Variants in ATXN8OS observed in about 807,000 individuals in gnomAD.
The protein encoded by ATXN8OS is ATXN8 opposite strand (non-protein coding).
chr13:70,116,991 A>G (rs1888288613), intron 2 of ATXN8OS, among the ~76,000 whole-genome samples: 1 of 152,118 alleles, frequency 6.6e-6, no homozygotes, highest in African/African-American at 2.4e-5. Context: ...TGCTCACATA[A>G]ACCTAAAGCA....
chr13:70,143,869 T>C (rs113281799), intron 3 of ATXN8OS, among the ~76,000 whole-genome samples: 1 of 152,154 alleles, frequency 6.6e-6, no homozygotes, highest in Admixed American at 6.6e-5. Context: ...GACATGGAAA[T>C]TAATAGCTAT....
chr13:70,134,037 T>C (rs2137485592), intron 3 of ATXN8OS, among the ~76,000 whole-genome samples: 1 of 152,326 alleles, frequency 6.6e-6, no homozygotes, highest in African/African-American at 2.4e-5. Flanking sequence ...TTGTTGTGTT[T>C]TATTTTTATT....
At chr13:70,166,897 C>CA (rs1217674151) in intron 4 of ATXN8OS, among the ~76,000 whole-genome samples, 4 of 151,190 alleles carry the variant, frequency 2.6e-5, no homozygotes, top group South Asian at 2.1e-4. Context: ...TTTATGCAGC[C>CA]AAAAAACACA....
At chr13:70,139,416 G>GCTGCTGCTT (rs1888673561) in intron 3 of ATXN8OS, 1 of 755,942 alleles carries the variant, frequency 1.3e-6, no homozygotes, top group Non-Finnish European at 2.1e-6. Context: ...TGCTGCTGCT[G>GCTGCTGCTT]CTGCTGCTGC....
chr13:70,131,292 C>G (rs889533580), intron 3 of ATXN8OS: 4 of 398,456 alleles, frequency 1.0e-5, no homozygotes, highest in Non-Finnish European at 1.3e-5. Context: ...ATGAACATCT[C>G]TTACCTAAAA....
At chr13:70,139,368 A>ACTGCTGCTG in intron 3 of ATXN8OS, 1 of 630,938 alleles carries the variant, frequency 1.6e-6, no homozygotes, top group Non-Finnish European at 2.6e-6. Context: ...TACTACTACT[A>ACTGCTGCTG]CTACTACTAC....
chr13:70,125,179 TCTG>T (rs1888413612), intron 2 of ATXN8OS, among the ~76,000 whole-genome samples: 1 of 152,170 alleles, frequency 6.6e-6, no homozygotes, highest in Non-Finnish European at 1.5e-5. Context: ...CTTTGTATCC[TCTG>T]CTATTTCTCA....
At chr13:70,132,526 T>G (rs1435594804) in intron 3 of ATXN8OS, among the ~76,000 whole-genome samples, 1 of 152,040 alleles carries the variant, frequency 6.6e-6, no homozygotes, top group Admixed American at 6.6e-5. Flanking sequence ...GCTCACCTCC[T>G]GGGTTACAGA....
At chr13:70,168,595 T>G (rs1414455999) in intron 4 of ATXN8OS, among the ~76,000 whole-genome samples, 3 of 145,330 alleles carry the variant, frequency 2.1e-5, no homozygotes, top group African/African-American at 2.6e-5. Context: ...GTGACATCAT[T>G]TTTTTTTTTT....
intron 2 of ATXN8OS, among the ~76,000 whole-genome samples, chr13:70,118,049 CATT>C (rs1239196911): frequency 2.6e-5 from 4 of 151,972 alleles, no homozygotes; most frequent in Non-Finnish European, 5.9e-5. Flanking sequence ...CAATCTTTTA[CATT>C]ATTTTGTTCT....
chr13:70,157,537 C>T (rs1303096622), intron 4 of ATXN8OS, among the ~76,000 whole-genome samples: 2 of 145,908 alleles, frequency 1.4e-5, no homozygotes, highest in African/African-American at 2.6e-5. Context: ...GTTTCCTGCA[C>T]TTCTTTTACC....
At chr13:70,145,155 G>A (rs959791258) in intron 3 of ATXN8OS, among the ~76,000 whole-genome samples, 2 of 151,978 alleles carry the variant, frequency 1.3e-5, no homozygotes, top group Non-Finnish European at 2.9e-5. Flanking sequence ...AAGATCAGAT[G>A]GTTGTAGGTA....
chr13:70,162,620 T>G (rs1309887411), intron 4 of ATXN8OS, among the ~76,000 whole-genome samples: 1 of 152,082 alleles, frequency 6.6e-6, no homozygotes, highest in African/African-American at 2.4e-5. Context: ...TTGCAGATCC[T>G]GTACCCTAAA....
At chr13:70,146,793 T>C (rs1179212535) in intron 3 of ATXN8OS, among the ~76,000 whole-genome samples, 1 of 151,678 alleles carries the variant, frequency 6.6e-6, no homozygotes, top group Non-Finnish European at 1.5e-5. Context: ...AGGGATAGCA[T>C]TAGGAGATAT....
chr13:70,140,213 T>C (rs1369700337), intron 3 of ATXN8OS, among the ~76,000 whole-genome samples: 1 of 152,158 alleles, frequency 6.6e-6, no homozygotes, highest in Non-Finnish European at 1.5e-5. Context: ...TATTTTCATG[T>C]GGAAATTATA....
chr13:70,137,055 T>TCAACAATTCAAA (rs1888627724), intron 3 of ATXN8OS, among the ~76,000 whole-genome samples: 1 of 152,178 alleles, frequency 6.6e-6, no homozygotes, highest in Non-Finnish European at 1.5e-5. Flanking sequence ...TCATTCAAAG[T>TCAACAATTCAAA]TCCTTGAAGA....
chr13:70,151,861 T>G (rs1194312502), intron 4 of ATXN8OS, among the ~76,000 whole-genome samples: 1 of 152,116 alleles, frequency 6.6e-6, no homozygotes, highest in Non-Finnish European at 1.5e-5. Flanking sequence ...ACTGGAATGG[T>G]AAACATAGAA....
chr13:70,137,647 A>T (rs1888636444), intron 3 of ATXN8OS, among the ~76,000 whole-genome samples: 1 of 152,202 alleles, frequency 6.6e-6, no homozygotes, highest in Non-Finnish European at 1.5e-5. Flanking sequence ...ACTGTACTTC[A>T]GCAATGATAC....
Position 70,107,790 on chromosome 13 carries a change from G to A in ATXN8OS, n.11G>A, listed in dbSNP as rs959783050. On this transcript the variant is annotated non_coding_transcript_exon_variant, in exon 1 of 5. Transcript: ENST00000678624. ...AGGACAGCGGGGCCCGGGGGCGGAG[G>A]AAGAGGCGGGATGCGCCCTCTGCAC... 1.1e-5 allele frequency: 11 copies of A among 981,582 alleles called. No individual in the cohort carries two copies. In the African/African-American group the frequency reaches 1.3e-4, roughly 12 times the overall value. The allele number at this position is 981,582 out of a possible 1,614,324, so 60.8% of individuals were successfully genotyped here.
Sources: allele counts gnomAD v4.1 joint callset (sites outside exome capture counted in the v4.1 genomes callset), GRCh38; gene constraint gnomAD v4.1.1; transcripts MANE v1.5; gene names NCBI Gene and HGNC (gene_info 2026-07-23, HGNC 2026-07-21).